LDB2: variants seen among roughly 807,000 people sequenced by gnomAD.
LDB2 encodes LIM domain-binding protein 2.
In LDB2, 12 loss-of-function variants were observed where a neutral mutation model predicts 44.3. That is an observed-to-expected ratio of 0.27 (90% CI 0.17 to 0.44). The LOEUF (loss-of-function observed/expected upper bound fraction) is 0.44, where lower values mean the gene tolerates loss of function less well. LDB2 is among the 20% of genes least tolerant of loss of function. LDB2 has a pLI of 1.00. For missense variants in LDB2, 344 were observed against 473.5 expected (o/e 0.73, Z 2.54); for synonymous variants, 164 against 174.8 (o/e 0.94, Z 0.49).
At chr4:16,590,497 AATTGCAACTTGGTCC>A (rs2152432209) in intron 3 of LDB2, among the ~76,000 whole-genome samples, 1 of 152,352 alleles carries the variant, frequency 6.6e-6, no homozygotes, top group Admixed American at 6.5e-5. Context: ...CCACTTACTG[AATTGCAACTTGGTCC>A]ACAGCACTGG....
chr4:16,604,482 T>C (rs1249764264), intron 2 of LDB2, among the ~76,000 whole-genome samples: 1 of 149,706 alleles, frequency 6.7e-6, no homozygotes, highest in Non-Finnish European at 1.5e-5. Context: ...TATATTCTTA[T>C]ATATATATAG....
intron 2 of LDB2, among the ~76,000 whole-genome samples, chr4:16,740,983 TA>T (rs1763130256): frequency 6.6e-6 from 1 of 152,244 alleles, no homozygotes. Context: ...CTTGTGGACA[TA>T]AATCTAGCCT....
chr4:16,516,024 C>T (rs186293825), intron 5 of LDB2, among the ~76,000 whole-genome samples: 88 of 152,142 alleles, frequency 5.8e-4, no homozygotes, highest in Middle Eastern at 6.8e-3. Context: ...CCACCACGCC[C>T]AGCTAATTTT....
intron 2 of LDB2, among the ~76,000 whole-genome samples, chr4:16,637,788 T>C (rs961657233): frequency 2.6e-5 from 4 of 152,174 alleles, no homozygotes; most frequent in Admixed American, 2.6e-4. Context: ...TCTTCCATTC[T>C]TCTATTAGAG....
chr4:16,552,496 T>TA (rs1387266763), intron 5 of LDB2, among the ~76,000 whole-genome samples: 3 of 152,164 alleles, frequency 2.0e-5, no homozygotes, highest in Non-Finnish European at 4.4e-5. Flanking sequence ...GGCATACCTG[T>TA]AAAACAAAGG....
intron 2 of LDB2, among the ~76,000 whole-genome samples, chr4:16,635,033 TC>T (rs1277772451): frequency 3.9e-5 from 6 of 151,952 alleles, no homozygotes; most frequent in African/African-American, 1.5e-4. Flanking sequence ...CAGCAAACTA[TC>T]ACAAGATCAG....
At chr4:16,646,952 A>T (rs548612479) in intron 2 of LDB2, among the ~76,000 whole-genome samples, 3 of 152,354 alleles carry the variant, frequency 2.0e-5, no homozygotes, top group South Asian at 4.1e-4. Context: ...TACCACTACT[A>T]GCAATACCAC....
chr4:16,628,975 C>T, intron 2 of LDB2, among the ~76,000 whole-genome samples: 1 of 152,210 alleles, frequency 6.6e-6, no homozygotes, highest in Admixed American at 6.5e-5. Flanking sequence ...CTCAGTGGGT[C>T]CCATGCCCAT....
chr4:16,708,024 T>A (rs1754994946), intron 2 of LDB2, among the ~76,000 whole-genome samples: 1 of 152,162 alleles, frequency 6.6e-6, no homozygotes, highest in Non-Finnish European at 1.5e-5. Context: ...CTTGGATGGC[T>A]CCGGTAACAT....
At chr4:16,859,202 C>A (rs1374230210) in intron 1 of LDB2, among the ~76,000 whole-genome samples, 2 of 152,142 alleles carry the variant, frequency 1.3e-5, no homozygotes, top group Non-Finnish European at 2.9e-5. Flanking sequence ...CCTGGGAGTC[C>A]TACTCCAGAT....
intron 1 of LDB2, among the ~76,000 whole-genome samples, chr4:16,770,500 T>C (rs1770420874): frequency 6.6e-6 from 1 of 152,176 alleles, no homozygotes; most frequent in Non-Finnish European, 1.5e-5. Context: ...TATTTTCTAG[T>C]CCTCACAGGC....
At chr4:16,683,795 C>G (rs932442078) in intron 2 of LDB2, among the ~76,000 whole-genome samples, 2 of 152,200 alleles carry the variant, frequency 1.3e-5, no homozygotes, top group Non-Finnish European at 2.9e-5. Context: ...CATCTACTTT[C>G]TGACGGGGAG....
intron 1 of LDB2, among the ~76,000 whole-genome samples, chr4:16,788,056 A>G (rs1774853674): frequency 6.6e-6 from 1 of 152,178 alleles, no homozygotes; most frequent in Admixed American, 6.5e-5. Flanking sequence ...CTGGCTGCAG[A>G]AGTCGATCCT....
chr4:16,810,188 G>C (rs184124150), intron 1 of LDB2, among the ~76,000 whole-genome samples: 53 of 152,164 alleles, frequency 3.5e-4, no homozygotes, highest in Non-Finnish European at 5.9e-4. Context: ...AGGGGAGGGA[G>C]GAAGAGTCCA....
intron 2 of LDB2, among the ~76,000 whole-genome samples, chr4:16,597,635 A>C (rs1664138678): frequency 6.6e-6 from 1 of 152,220 alleles, no homozygotes; most frequent in Non-Finnish European, 1.5e-5. Flanking sequence ...GCAAACCATA[A>C]AAATGCAGAT....
intron 5 of LDB2, among the ~76,000 whole-genome samples, chr4:16,514,001 A>C (rs1395286668): frequency 6.6e-6 from 1 of 152,182 alleles, no homozygotes; most frequent in Non-Finnish European, 1.5e-5. Context: ...TCCAGCAAGG[A>C]TCCTGTCCCA....
At chr4:16,798,929 C>T (rs1308155424) in intron 1 of LDB2, among the ~76,000 whole-genome samples, 1 of 152,174 alleles carries the variant, frequency 6.6e-6, no homozygotes. Flanking sequence ...TGGCTCACTG[C>T]AAACTCCGCC....
chr4:16,686,625 G>A (rs756202094), intron 2 of LDB2, among the ~76,000 whole-genome samples: 3 of 152,206 alleles, frequency 2.0e-5, no homozygotes, highest in Non-Finnish European at 4.4e-5. Flanking sequence ...GTCAGAAGAT[G>A]AATAAGGCAG....
At chr4:16,697,995 A>T (rs998296470) in intron 2 of LDB2, among the ~76,000 whole-genome samples, 12 of 152,148 alleles carry the variant, frequency 7.9e-5, no homozygotes, top group Admixed American at 2.6e-4. Context: ...AATGAATTCC[A>T]TTTTGTGTGT....
Sources: gnomAD v4.1 joint callset for allele counts (sites outside exome capture counted in the v4.1 genomes callset) on GRCh38, gnomAD v4.1.1 for gene constraint, MANE v1.5 for transcripts, NCBI Gene and HGNC (gene_info 2026-07-23, HGNC 2026-07-21) for gene names.